The following DPYD variants were observed in gnomAD, a reference collection of about 807,000 sequenced individuals.
The protein encoded by DPYD is dihydropyrimidine dehydrogenase [NADP(+)].
In DPYD, 109 loss-of-function variants were observed where a neutral mutation model predicts 116.2. The observed-to-expected ratio is 0.94, with a 90% CI of 0.80 to 1.10. DPYD has a LOEUF of 1.10. Ranked by LOEUF, DPYD falls within the 50% of genes least tolerant of loss-of-function variation. DPYD has a pLI of 0.00. For missense variants in DPYD, 1,302 were observed against 1,254.5 expected (o/e 1.04, Z -0.57); for synonymous variants, 440 against 432.0 (o/e 1.02, Z -0.23).
chr1:97,252,235 G>A (rs1663149127), intron 18 of DPYD, among the ~76,000 whole-genome samples: 1 of 152,198 alleles, frequency 6.6e-6, no homozygotes, highest in South Asian at 2.1e-4. Context: ...TTGTCTACTG[G>A]CATGGATATG....
At chr1:97,390,315 A>G (rs184493238) in intron 14 of DPYD, among the ~76,000 whole-genome samples, 1 of 152,200 alleles carries the variant, frequency 6.6e-6, no homozygotes, top group Non-Finnish European at 1.5e-5. Context: ...TTTGTCAAAC[A>G]ATTCAACAAA....
intron 16 of DPYD, chr1:97,308,308 T>C (rs1220063756): frequency 6.6e-6 from 1 of 151,778 alleles, no homozygotes; most frequent in East Asian, 1.9e-4. Context: ...GATACCATAA[T>C]TTGACCCTCC....
chr1:97,223,120 C>T (rs146336511), intron 19 of DPYD, among the ~76,000 whole-genome samples: 5 of 152,016 alleles, frequency 3.3e-5, no homozygotes, highest in Admixed American at 2.0e-4. Flanking sequence ...ACAGTGTCAT[C>T]GTGCTGCTTC....
rs1447324311 is a variant in DPYD at position 97,602,870 on chromosome 1, G to A, written c.851-7704C>T. Among the ~76,000 whole-genome samples the A allele has an allele frequency of 2.6e-5, 4 of 151,684 alleles. No individual in the cohort carries two copies. In the East Asian group the frequency reaches 5.8e-4, roughly 22 times the overall value. On this transcript the variant is annotated intron_variant, in intron 8 of 22. Transcript: ENST00000370192. ...ATTAGTAGAAGTTATTGCAATAATT[G>A]AAATTATACTTTAATATAAGCATTT...
At chr1:97,908,808 T>C (rs909547753) in intron 1 of DPYD, among the ~76,000 whole-genome samples, 20 of 152,120 alleles carry the variant, frequency 1.3e-4, no homozygotes, top group African/African-American at 4.8e-4. Flanking sequence ...AGTCATCTCA[T>C]TCTCCTATGC....
intron 10 of DPYD, among the ~76,000 whole-genome samples, chr1:97,576,103 C>T (rs1329345495): frequency 6.6e-6 from 1 of 152,054 alleles, no homozygotes; most frequent in African/African-American, 2.4e-5. Flanking sequence ...TTGAATAATT[C>T]AAATTACAAA....
intron 11 of DPYD, among the ~76,000 whole-genome samples, chr1:97,570,750 A>T (rs1652835464): frequency 6.6e-6 from 1 of 151,736 alleles, no homozygotes; most frequent in Non-Finnish European, 1.5e-5. Context: ...AATCTCTCTT[A>T]ATGTACACAT....
intron 9 of DPYD, 115 bp from the exon 10 acceptor site, chr1:97,593,502 T>C (rs1654668986): frequency 8.3e-7 from 1 of 1,202,430 alleles, no homozygotes; most frequent in East Asian, 2.4e-5. Flanking sequence ...TTTTCCAGGA[T>C]GAAGTGTCAC....
chr1:97,196,242 G>A (rs534522695), intron 19 of DPYD, among the ~76,000 whole-genome samples: 1 of 152,126 alleles, frequency 6.6e-6, no homozygotes, highest in Admixed American at 6.6e-5. Context: ...TAGGACTACA[G>A]GCACACACCA....
chr1:97,461,240 T>C (rs61789174), intron 13 of DPYD, among the ~76,000 whole-genome samples: 1 of 152,208 alleles, frequency 6.6e-6, no homozygotes, highest in Admixed American at 6.5e-5. Flanking sequence ...ATATTATTTA[T>C]GCTTCCACAA....
chr1:97,551,246 T>C (rs1175269320), intron 11 of DPYD, among the ~76,000 whole-genome samples: 4 of 152,166 alleles, frequency 2.6e-5, no homozygotes, highest in Non-Finnish European at 4.4e-5. Context: ...CAGAAAGGCA[T>C]TTTAAGGAAA....
At chr1:97,184,980 T>C (rs559423655) in intron 20 of DPYD, among the ~76,000 whole-genome samples, 75 of 152,260 alleles carry the variant, frequency 4.9e-4, no homozygotes, top group Admixed American at 7.9e-4. Context: ...GAGAAAATAA[T>C]TTATCCTTTC....
In DPYD at chr1:97,558,153, A is replaced by G. The variant is rs371926172; in HGVS notation, c.1340-8409T>C. On this transcript the variant is annotated intron_variant, in intron 11 of 22. Transcript: ENST00000370192. ...TTCAGCCTTGAGAGCATCCTTTCCA[A>G]TGAAACCTTTTTCCCCCCCTTTCTA... 4.6e-5 allele frequency among the ~76,000 whole-genome samples: 7 copies of G among 152,170 alleles called. No individual in the cohort carries two copies. In the South Asian group the frequency reaches 8.3e-4, roughly 18 times the overall value.
intron 12 of DPYD, among the ~76,000 whole-genome samples, chr1:97,529,763 TCTCTTTC>T (rs1236172157): frequency 2.0e-5 from 2 of 101,136 alleles, no homozygotes; most frequent in East Asian, 6.4e-4. Context: ...TTTCTTTCTT[TCTCTTTC>T]TTCTTTCTTT....
At position 97,658,398 on chromosome 1, in the gene DPYD, T is replaced by C. The variant is rs112059535; in HGVS notation, c.850+20697A>G. 5.0e-3 allele frequency among the ~76,000 whole-genome samples: 759 copies of C among 152,268 alleles called. 5 individuals carry two copies. Among genetic ancestry groups the C allele is most frequent in the African/African-American group, 0.017 (720 of 41,542 alleles). ...AGGTTGAAAATAATTATTTTGACTT[T>C]TATGATAATGGTTAGATTTGATTAT... On this transcript the variant is annotated intron_variant, in intron 8 of 22. Transcript: ENST00000370192.
chr1:97,642,825 T>C (rs895771055), intron 8 of DPYD, among the ~76,000 whole-genome samples: 6 of 151,396 alleles, frequency 4.0e-5, no homozygotes, highest in African/African-American at 1.2e-4. Context: ...GGCACATGTA[T>C]ACATATGTAA....
chr1:97,661,279 C>T (rs76951368), intron 8 of DPYD, among the ~76,000 whole-genome samples: 1 of 152,124 alleles, frequency 6.6e-6, no homozygotes, highest in African/African-American at 2.4e-5. Context: ...CAAAGACTTG[C>T]CTACAGTGTT....
At chr1:97,478,183 A>C (rs1678093675) in intron 13 of DPYD, among the ~76,000 whole-genome samples, 1 of 152,226 alleles carries the variant, frequency 6.6e-6, no homozygotes, top group African/African-American at 2.4e-5. Context: ...CCTTAGGCTT[A>C]AAATGTTCAG....
intron 1 of DPYD, 111 bp from the exon 2 acceptor site, chr1:97,883,485 C>T (rs1553255256): frequency 3.5e-6 from 3 of 854,384 alleles, no homozygotes; most frequent in East Asian, 5.4e-5. Flanking sequence ...CTCACTTTGT[C>T]ACCCAGGCTG....
Sources: gnomAD v4.1 joint callset for allele counts (sites outside exome capture counted in the v4.1 genomes callset) on GRCh38, gnomAD v4.1.1 for gene constraint, MANE v1.5 for transcripts, NCBI Gene and HGNC (gene_info 2026-07-23, HGNC 2026-07-21) for gene names.